Variants in VAV3 observed in about 807,000 individuals in gnomAD.
The protein encoded by VAV3 is vav guanine nucleotide exchange factor 3, also known as guanine nucleotide exchange factor VAV3.
VAV3 carries 94 observed loss-of-function variants against 131.2 expected under a neutral mutation model. That is an observed-to-expected ratio of 0.72 (90% CI 0.61 to 0.85). The LOEUF is 0.85. VAV3 is among the 40% of genes least tolerant of loss of function. The pLI is 0.00. For missense variants in VAV3, 939 were observed against 1,002.7 expected (o/e 0.94, Z 0.86); for synonymous variants, 349 against 342.0 (o/e 1.02, Z -0.22).
At chr1:107,645,541 T>C (rs749926797) in intron 19 of VAV3, among the ~76,000 whole-genome samples, 4 of 152,016 alleles carry the variant, frequency 2.6e-5, no homozygotes, top group Admixed American at 6.6e-5. Context: ...GGATAAATGG[T>C]TGCTATCCAA....
chr1:107,611,638 G>A (rs954956144), intron 21 of VAV3, among the ~76,000 whole-genome samples: 44 of 151,122 alleles, frequency 2.9e-4, no homozygotes, highest in Admixed American at 1.3e-3. Context: ...AAGGAGACAG[G>A]AAGGAGGAGA....
chr1:107,954,487 T>A (rs1674703853), intron 1 of VAV3, among the ~76,000 whole-genome samples: 1 of 152,006 alleles, frequency 6.6e-6, no homozygotes, highest in Non-Finnish European at 1.5e-5. Flanking sequence ...TACTGAATAG[T>A]GTGATAAATG....
intron 1 of VAV3, among the ~76,000 whole-genome samples, chr1:107,919,580 T>C (rs894385941): frequency 5.9e-5 from 9 of 152,116 alleles, no homozygotes; most frequent in African/African-American, 1.9e-4. Flanking sequence ...CACCTGAACT[T>C]TGGATGGAGG....
intron 15 of VAV3, among the ~76,000 whole-genome samples, chr1:107,731,759 A>G (rs965731647): frequency 6.6e-6 from 1 of 152,206 alleles, no homozygotes; most frequent in Admixed American, 6.5e-5. Flanking sequence ...AGTTGTACGA[A>G]AGACTCAAGC....
chr1:107,916,385 C>T (rs1013238179), intron 1 of VAV3, among the ~76,000 whole-genome samples: 3 of 152,114 alleles, frequency 2.0e-5, no homozygotes, highest in Non-Finnish European at 2.9e-5. Flanking sequence ...TGAAGCATAA[C>T]GTACAAATCT....
intron 15 of VAV3, among the ~76,000 whole-genome samples, chr1:107,712,448 G>T (rs555642880): frequency 6.6e-6 from 1 of 152,158 alleles, no homozygotes; most frequent in Non-Finnish European, 1.5e-5. Context: ...GAAGCCAAAA[G>T]ATTGGACACA....
intron 20 of VAV3, among the ~76,000 whole-genome samples, chr1:107,636,726 A>C (rs908780219): frequency 2.0e-5 from 3 of 152,224 alleles, no homozygotes; most frequent in Non-Finnish European, 4.4e-5. Flanking sequence ...TTACACCATC[A>C]TAAAATTGAA....
chr1:107,878,747 C>G (rs1034574296), intron 1 of VAV3, among the ~76,000 whole-genome samples: 22 of 152,168 alleles, frequency 1.4e-4, no homozygotes, highest in Non-Finnish European at 1.2e-4. Context: ...CCACATCTCT[C>G]TACTGTAAAG....
chr1:107,575,639 G>A (rs1649593835), intron 25 of VAV3, among the ~76,000 whole-genome samples: 1 of 152,100 alleles, frequency 6.6e-6, no homozygotes, highest in Non-Finnish European at 1.5e-5. Flanking sequence ...ACACCCCTAT[G>A]ATGGAAAAAC....
intron 1 of VAV3, among the ~76,000 whole-genome samples, chr1:107,938,662 A>G (rs1457911826): frequency 6.6e-6 from 1 of 152,188 alleles, no homozygotes; most frequent in Non-Finnish European, 1.5e-5. Context: ...ATGTGATATT[A>G]TCTCATGACA....
At chr1:107,607,195 G>A (rs1423732357) in intron 22 of VAV3, among the ~76,000 whole-genome samples, 5 of 151,720 alleles carry the variant, frequency 3.3e-5, no homozygotes, top group African/African-American at 7.3e-5. Flanking sequence ...CTCATGATCC[G>A]CCCACTTCGG....
chr1:107,574,041 A>G lies in VAV3; in HGVS notation c.2502+6T>C. 1.2e-6 allele frequency: 2 copies of G among 1,613,740 alleles called. No homozygotes were observed. The highest frequency in any genetic ancestry group is 1.7e-6 in the Non-Finnish European group (2 of 1,179,800). On this transcript the variant is annotated splice_donor_region_variant and intron_variant, in intron 26 of 26. Coordinates refer to ENST00000370056, the MANE Select transcript of VAV3 (RefSeq NM_006113.5). The stretch of plus-strand genomic sequence containing the variant: ...ATGCACCAGCACATCGAGAGGGCCA[A>G]CTTACCCTGCCATTTACTTCTCCTC...
At chr1:107,955,970 G>T (rs1286350310) in intron 1 of VAV3, among the ~76,000 whole-genome samples, 1 of 152,194 alleles carries the variant, frequency 6.6e-6, no homozygotes, top group South Asian at 2.1e-4. Context: ...TCTCTACTCT[G>T]AAAATATATC....
At chr1:107,761,097 A>G (rs1015937075) in intron 9 of VAV3, among the ~76,000 whole-genome samples, 1 of 152,204 alleles carries the variant, frequency 6.6e-6, no homozygotes, top group Non-Finnish European at 1.5e-5. Context: ...GTGTATGAAA[A>G]TTATTTTCTT....
intron 1 of VAV3, among the ~76,000 whole-genome samples, chr1:107,900,721 C>T (rs1392999768): frequency 2.0e-5 from 3 of 152,328 alleles, no homozygotes; most frequent in Non-Finnish European, 2.9e-5. Context: ...TAGCTATCCT[C>T]ACCAGGACAT....
At chr1:107,658,363 G>A (rs901400475) in intron 19 of VAV3, among the ~76,000 whole-genome samples, 2 of 152,304 alleles carry the variant, frequency 1.3e-5, no homozygotes, top group South Asian at 2.1e-4. Flanking sequence ...GGACATTTGG[G>A]TGGGTTTCAA....
At chr1:107,626,215 T>TAC (rs1654005172) in intron 20 of VAV3, among the ~76,000 whole-genome samples, 1 of 152,210 alleles carries the variant, frequency 6.6e-6, no homozygotes, top group African/African-American at 2.4e-5. Flanking sequence ...ATTCCCATAC[T>TAC]ACAGTCTGTA....
chr1:107,959,782 C>T (rs1336907969), intron 1 of VAV3, among the ~76,000 whole-genome samples: 4 of 152,146 alleles, frequency 2.6e-5, no homozygotes, highest in East Asian at 3.9e-4. Flanking sequence ...CCAACTTGCT[C>T]GGCGTACCCA....
At chr1:107,865,038 C>T (rs553421342) in intron 2 of VAV3, among the ~76,000 whole-genome samples, 2 of 152,202 alleles carry the variant, frequency 1.3e-5, no homozygotes, top group African/African-American at 4.8e-5. Context: ...AATTCACACT[C>T]TTCACCACAA....
Sources: gnomAD v4.1 joint callset for allele counts (sites outside exome capture counted in the v4.1 genomes callset) on GRCh38, gnomAD v4.1.1 for gene constraint, MANE v1.5 for transcripts, NCBI Gene and HGNC (gene_info 2026-07-23, HGNC 2026-07-21) for gene names.